Variants in SPRTN observed in about 807,000 individuals in gnomAD.
SPRTN encodes the protein DNA-dependent metalloprotease SPRTN.
Under a neutral mutation model 31.9 loss-of-function variants are expected in SPRTN, and 11 were observed. That is an observed-to-expected ratio of 0.34 (90% CI 0.22 to 0.57). The LOEUF is 0.57. Among genes scored for constraint, SPRTN ranks in the 20% least tolerant of loss-of-function variants. The pLI is 0.86. For synonymous variants in SPRTN, 185 were observed against 212.1 expected (o/e 0.87, Z 1.11); for missense variants, 482 against 590.1 (o/e 0.82, Z 1.90).
chr1:231,347,763 A>T, intron 2 of SPRTN, 34 bp from the exon 3 acceptor site: 1 of 1,585,156 alleles, frequency 6.3e-7, no homozygotes, highest in Non-Finnish European at 8.5e-7. Flanking sequence ...TGTCATACAG[A>T]CTCTAAAACT....
chr1:231,338,944 CA>C (rs1169269025), intron 1 of SPRTN, among the ~76,000 whole-genome samples: 1 of 152,176 alleles, frequency 6.6e-6, no homozygotes, highest in Non-Finnish European at 1.5e-5. Flanking sequence ...GAGAAGCAAC[CA>C]AATCTGCACC....
rs142767281 is a variant in SPRTN, at chr1:231,343,787, G to A, written c.321+3919G>A. Reference sequence around the variant, plus strand: ...TTACCATTCAACTCATCACTCCTGCGATTAAAACATGGAGAGGTGAGCATT... The same window carrying A: ...TTACCATTCAACTCATCACTCCTGCAATTAAAACATGGAGAGGTGAGCATT... On this transcript the variant is annotated intron_variant, in intron 2 of 4. Coordinates refer to ENST00000295050, the MANE Select transcript of SPRTN (RefSeq NM_032018.7). Among the ~76,000 whole-genome samples, 8 of 152,038 alleles carry A rather than the reference G, an allele frequency of 5.3e-5. No homozygotes were observed. The South Asian group carries it at 1.5e-3, about 28-fold the overall frequency.
rs1157046478 is a variant in SPRTN, at chr1:231,348,260, A to AT, written c.450+337dup. Among the ~76,000 whole-genome samples the AT allele has an allele frequency of 4.6e-5, 7 of 152,286 alleles. No homozygotes were observed. In the East Asian group the frequency reaches 1.3e-3, roughly 29 times the overall value. On this transcript the variant is annotated intron_variant, in intron 3 of 4. Transcript: ENST00000295050. Reference sequence around the variant, plus strand: ...TTAGTCCATCCTGTATCCTGCTACCATTGCAGATGTCATTCCCTCATCAGA... The same window carrying AT: ...TTAGTCCATCCTGTATCCTGCTACCATTTGCAGATGTCATTCCCTCATCAGA...
rs189567249 is a variant in SPRTN at position 231,349,229 on chromosome 1, C to T, written c.450+1304C>T. 9.2e-5 allele frequency among the ~76,000 whole-genome samples: 14 copies of T among 152,230 alleles called. No individual in the cohort carries two copies. In the East Asian group the frequency reaches 2.1e-3, roughly 23 times the overall value. ...ATGGGTTCAAGTGATCCTCCCATCT[C>T]AGCCTCCCAAAGTGGTGGGATTATA... On this transcript the variant is annotated intron_variant, in intron 3 of 4. Coordinates refer to ENST00000295050, the MANE Select transcript of SPRTN (RefSeq NM_032018.7).
At chr1:231,341,082 CAG>C (rs991729315) in intron 2 of SPRTN, among the ~76,000 whole-genome samples, 4 of 151,646 alleles carry the variant, frequency 2.6e-5, no homozygotes, top group East Asian at 1.9e-4. Context: ...TGAAAAAGAA[CAG>C]AGCTCAGATG....
At chr1:231,345,478 G>A (rs1475448557) in intron 2 of SPRTN, among the ~76,000 whole-genome samples, 1 of 152,182 alleles carries the variant, frequency 6.6e-6, no homozygotes. Context: ...ACCATTTCAT[G>A]TAGATCCTTC....
At position 231,347,779 on chromosome 1, in the gene SPRTN, G is replaced by A. The variant is rs1480494851; in HGVS notation, c.322-18G>A. On this transcript the variant is annotated intron_variant, in intron 2 of 4. Coordinates refer to ENST00000295050, the MANE Select transcript of SPRTN (RefSeq NM_032018.7). ...GTCATACAGACTCTAAAACTAATTT[G>A]AATATTTTATGTTCCAGACCCTCCT... is the stretch of plus-strand genomic sequence containing the variant. 6.3e-7 allele frequency: 1 copy of A among 1,594,122 alleles called. No individual in the cohort carries two copies. Among genetic ancestry groups the A allele is most frequent in the Middle Eastern group, 1.7e-4 (1 of 5,928 alleles).
intron 2 of SPRTN, among the ~76,000 whole-genome samples, chr1:231,344,179 T>G (rs537994283): frequency 1.3e-5 from 2 of 152,332 alleles, no homozygotes; most frequent in Non-Finnish European, 2.9e-5. Flanking sequence ...GAGAAACTTT[T>G]GCAGTACCTT....
rs773333511 is a variant in SPRTN, at chr1:231,352,619, A to G, written c.728A>G (p.Asn243Ser). 5.8e-5 allele frequency: 92 copies of G among 1,580,788 alleles called. 3 individuals carry two copies. In the South Asian group the frequency reaches 9.7e-4, roughly 17 times the overall value. Reference sequence around the variant, plus strand: ...TTTGCTTTTTTGGCAGATAAACCCAACAGAGGTGAGGCCCAGCTAGTAATC... The same window carrying G: ...TTTGCTTTTTTGGCAGATAAACCCAGCAGAGGTGAGGCCCAGCTAGTAATC... ...VLAAENKDKP[N>S]RGEAQLVIPF... Residue 243 changes from asparagine (N) to serine (S), a missense_variant, in exon 5 of 5, where the codon AAC becomes AGC. Coordinates refer to ENST00000295050, the MANE Select transcript of SPRTN (RefSeq NM_032018.7).
chr1:231,339,727 A>ATTTGGCCAAT, intron 1 of SPRTN, 42 bp from the exon 2 acceptor site: 1 of 1,602,044 alleles, frequency 6.2e-7, no homozygotes, highest in Non-Finnish European at 8.6e-7. Flanking sequence ...ACTTGGGCAT[A>ATTTGGCCAAT]TTTGGCCAAT....
intron 1 of SPRTN, 175 bp from the exon 2 acceptor site, chr1:231,339,594 G>T (rs1339268829): frequency 9.0e-6 from 7 of 774,204 alleles, no homozygotes; most frequent in Non-Finnish European, 2.2e-6. Context: ...CGCGGGAGGC[G>T]CCCGCGGGGG....
intron 1 of SPRTN, chr1:231,339,340 C>CTG (rs1686790266): frequency 2.8e-6 from 1 of 359,766 alleles, no homozygotes; most frequent in South Asian, 3.0e-5. Context: ...TAACACCGAA[C>CTG]TGTAACTTGT....
At position 231,354,577 on chromosome 1, in the gene SPRTN, A is replaced by G. The variant is rs1687337938; in HGVS notation, c.*1216A>G. On this transcript the variant is annotated 3_prime_UTR_variant, in exon 5 of 5. Coordinates refer to ENST00000295050, the MANE Select transcript of SPRTN (RefSeq NM_032018.7). ...TACCCATGACCCTCACCACCTCCAG[A>G]GGTCCCCACTGTTTTCACCCCATCG... 6.0e-6 allele frequency: 1 copy of G among 165,420 alleles called. No individual in the cohort carries two copies. Among genetic ancestry groups the G allele is most frequent in the Admixed American group, 6.5e-5 (1 of 15,296 alleles). 10.2% of individuals were successfully genotyped at this position (165,420 alleles called of 1,614,324 possible).
chr1:231,347,394 C>G (rs966041278), intron 2 of SPRTN, among the ~76,000 whole-genome samples: 1 of 152,096 alleles, frequency 6.6e-6, no homozygotes, highest in Admixed American at 6.6e-5. Context: ...GTGTCTCATT[C>G]TGTCCCCCAG....
At position 231,352,838 on chromosome 1, in the gene SPRTN, T is replaced by G; in HGVS notation, c.947T>G (p.Val316Gly). The change falls in exon 5 of 5, where the codon GTC becomes GGC. Residue 316 changes from valine to glycine, a missense_variant. Val to Gly is a moderately radical substitution (Grantham distance 109). Coordinates refer to ENST00000295050, the MANE Select transcript of SPRTN (RefSeq NM_032018.7). Reference protein sequence around the residue: ...QNGSSKNSHLVSPAVSNSHQN... With the variant: ...QNGSSKNSHLGSPAVSNSHQN... Reference sequence around the variant, plus strand: ...GGTTCAAGTAAAAATTCTCATCTGGTCTCCCCTGCTGTTAGTAACAGTCAC... The same window carrying G: ...GGTTCAAGTAAAAATTCTCATCTGGGCTCCCCTGCTGTTAGTAACAGTCAC... 3 of 1,613,790 alleles carry G rather than the reference T, an allele frequency of 1.9e-6. No individual in the cohort carries two copies. Among genetic ancestry groups the G allele is most frequent in the Non-Finnish European group, 2.5e-6 (3 of 1,179,882 alleles).
At chr1:231,338,705 G>A (rs1686767895) in intron 1 of SPRTN, 101 bp downstream of exon 1, 23 of 1,415,758 alleles carry the variant, frequency 1.6e-5, no homozygotes, top group Non-Finnish European at 2.2e-5. Context: ...CGGTCCCAGG[G>A]GGCGTTAAAT....
At chr1:231,351,636 C>T in intron 4 of SPRTN, 65 bp downstream of exon 4, 3 of 1,568,536 alleles carry the variant, frequency 1.9e-6, no homozygotes, top group Non-Finnish European at 2.6e-6. Flanking sequence ...ACAATACTGT[C>T]CTTCAGAGAA....
At chr1:231,339,198 A>G (rs1257683102) in intron 1 of SPRTN, among the ~76,000 whole-genome samples, 1 of 152,226 alleles carries the variant, frequency 6.6e-6, no homozygotes, top group East Asian at 1.9e-4. Context: ...CTTGTTTTTG[A>G]GTTGATAGAA....
intron 2 of SPRTN, among the ~76,000 whole-genome samples, chr1:231,340,798 C>CAA (rs5781637): frequency 8.1e-4 from 119 of 146,494 alleles, no homozygotes; most frequent in African/African-American, 2.0e-3. Context: ...AACTCTGTCT[C>CAA]AAAAAAAAAA....
Sources: gnomAD v4.1 joint callset for allele counts (sites outside exome capture counted in the v4.1 genomes callset) on GRCh38, gnomAD v4.1.1 for gene constraint, MANE v1.5 for transcripts, NCBI Gene and HGNC (gene_info 2026-07-23, HGNC 2026-07-21) for gene names.